Variants in MGAM2 observed in about 807,000 individuals in gnomAD.
The protein encoded by MGAM2 is maltase-glucoamylase 2 (putative).
In MGAM2, 98 loss-of-function variants were observed where a neutral mutation model predicts 96.1. The ratio of observed to expected loss-of-function variants is 1.02; its 90% CI spans 0.87 to 1.21. The LOEUF (loss-of-function observed/expected upper bound fraction) is 1.21, where lower values mean the gene tolerates loss of function less well. MGAM2 is among the 50% of genes most tolerant of loss of function. The probability of loss-of-function intolerance (pLI) is 0.00; values close to 1 mark genes in which losing one functional copy is unlikely to be tolerated. For synonymous variants in MGAM2, 749 were observed against 414.8 expected (o/e 1.81, Z -9.79); for missense variants, 2,055 against 1,182.4 (o/e 1.74, Z -10.82).
intron 45 of MGAM2, among the ~76,000 whole-genome samples, chr7:142,206,964 C>T (rs1195771405): frequency 1.3e-5 from 2 of 152,006 alleles, no homozygotes; most frequent in African/African-American, 4.8e-5. Flanking sequence ...TAGTGTTTGC[C>T]CAGGTTGCAT....
chr7:142,145,081 G>A (rs568764071), intron 14 of MGAM2, 136 bp downstream of exon 14: 6 of 589,206 alleles, frequency 1.0e-5, no homozygotes, highest in East Asian at 3.0e-5. Context: ...CTCCTCTGCC[G>A]AAGTCTCTGC....
chr7:142,123,623 C>T (rs556214118), intron 3 of MGAM2, among the ~76,000 whole-genome samples: 4 of 152,112 alleles, frequency 2.6e-5, no homozygotes, highest in African/African-American at 9.6e-5. Context: ...TTTTTTTCTA[C>T]TGAACTGTTC....
At chr7:142,179,873 G>C (rs1275137567) in intron 32 of MGAM2, among the ~76,000 whole-genome samples, 1 of 151,924 alleles carries the variant, frequency 6.6e-6, no homozygotes. Context: ...TGTTGGCTTT[G>C]TATAATCAGT....
At chr7:142,155,155 G>A (rs944616558) in intron 17 of MGAM2, among the ~76,000 whole-genome samples, 1 of 152,146 alleles carries the variant, frequency 6.6e-6, no homozygotes, top group African/African-American at 2.4e-5. Context: ...GAATTTGTTG[G>A]TATTTTATTT....
intron 46 of MGAM2, among the ~76,000 whole-genome samples, chr7:142,217,414 T>C (rs755978123): frequency 6.6e-6 from 1 of 152,238 alleles, no homozygotes; most frequent in Non-Finnish European, 1.5e-5. Flanking sequence ...TTCCAGAGCC[T>C]CAGTTTCCTT....
intron 2 of MGAM2, among the ~76,000 whole-genome samples, chr7:142,118,442 T>G (rs1794447904): frequency 6.6e-6 from 1 of 152,156 alleles, no homozygotes; most frequent in African/African-American, 2.4e-5. Context: ...GGGGGCTTTG[T>G]TTTGAATCAA....
chr7:142,164,744 CA>C (rs1795982751), intron 23 of MGAM2, 111 bp from the exon 24 acceptor site: 1 of 540,534 alleles, frequency 1.9e-6, no homozygotes, highest in African/African-American at 1.9e-5. Context: ...TTTGAAACTG[CA>C]GAGAAAAGGA....
At chr7:142,200,743 A>T (rs1797195986) in intron 45 of MGAM2, among the ~76,000 whole-genome samples, 1 of 152,164 alleles carries the variant, frequency 6.6e-6, no homozygotes, top group Non-Finnish European at 1.5e-5. Context: ...CATTATAAAG[A>T]TAAGAAATTC....
chr7:142,164,733 A>G, intron 23 of MGAM2, 123 bp from the exon 24 acceptor site: 2 of 542,394 alleles, frequency 3.7e-6, no homozygotes, highest in East Asian at 3.1e-5. Flanking sequence ...ACCTAGCAAC[A>G]TTTGAAACTG....
Position 142,144,985 on chromosome 7 carries a change from A to G in MGAM2, c.1516+40A>G. On this transcript the variant is annotated intron_variant, in intron 14 of 47. Coordinates refer to ENST00000477922, the MANE Select transcript of MGAM2 (RefSeq NM_001293626.2). ...GTTTGCTATGACGTAGGAATAAGCC[A>G]TGTTTAAAACACCCTCAGTAATACT... 3 of 700,978 alleles carry G rather than the reference A, an allele frequency of 4.3e-6. No individual in the cohort carries two copies. The South Asian group carries it at 4.5e-5, about 10-fold the overall frequency. 43.4% of individuals were successfully genotyped at this position (700,978 alleles called of 1,614,324 possible).
intron 15 of MGAM2, among the ~76,000 whole-genome samples, chr7:142,150,908 C>T (rs575090442): frequency 3.9e-5 from 6 of 152,216 alleles, no homozygotes; most frequent in African/African-American, 1.2e-4. Flanking sequence ...TGCTATTTGC[C>T]GTGCACAAGA....
intron 45 of MGAM2, among the ~76,000 whole-genome samples, chr7:142,206,665 T>G (rs1306467208): frequency 6.6e-6 from 1 of 152,236 alleles, no homozygotes; most frequent in Non-Finnish European, 1.5e-5. Context: ...TTACAGTATA[T>G]TTTAGTCTTA....
chr7:142,135,383 T>C (rs1023636312), intron 7 of MGAM2, among the ~76,000 whole-genome samples: 22 of 152,192 alleles, frequency 1.4e-4, no homozygotes, highest in Non-Finnish European at 1.5e-5. Flanking sequence ...AGTCACAAAT[T>C]AGATGTAATG....
chr7:142,189,599 G>A lies in MGAM2; in HGVS notation c.4346+94G>A, dbSNP rs1796806667. The A allele has an allele frequency of 2.7e-5, 14 of 512,384 alleles. No individual in the cohort carries two copies. The East Asian group carries it at 4.3e-4, about 16-fold the overall frequency. 31.7% of individuals were successfully genotyped at this position (512,384 alleles called of 1,614,324 possible). ...CATTGTGCATGTATCTACGTGATCC[G>A]AGTTAAATGGGTTAAAGTCAAAATT... On this transcript the variant is annotated intron_variant, in intron 37 of 47. Transcript: ENST00000477922.
At chr7:142,132,555 TAC>T (rs1563251696) in intron 6 of MGAM2, among the ~76,000 whole-genome samples, 1 of 133,102 alleles carries the variant, frequency 7.5e-6, no homozygotes, top group African/African-American at 2.9e-5. Context: ...AATTTAATTA[TAC>T]ATTCCATATA....
chr7:142,194,687 C>CGTGTGT (rs201949167), intron 37 of MGAM2, among the ~76,000 whole-genome samples: 1,303 of 118,204 alleles, frequency 0.011, 47 homozygotes, highest in Admixed American at 0.074. Flanking sequence ...TTTAATAGAA[C>CGTGTGT]ATGTGTGTAT....
intron 36 of MGAM2, among the ~76,000 whole-genome samples, chr7:142,188,380 G>T (rs1796768183): frequency 6.6e-6 from 1 of 152,022 alleles, no homozygotes; most frequent in South Asian, 2.1e-4. Context: ...TGAGGTGGGA[G>T]GATTGTTTAA....
intron 23 of MGAM2, among the ~76,000 whole-genome samples, chr7:142,162,821 C>T (rs907272265): frequency 1.3e-5 from 2 of 151,746 alleles, no homozygotes; most frequent in South Asian, 4.2e-4. Flanking sequence ...ATGGTAACAT[C>T]TTATAAACCT....
intron 37 of MGAM2, among the ~76,000 whole-genome samples, chr7:142,192,141 G>T (rs1162086211): frequency 6.6e-6 from 1 of 152,016 alleles, no homozygotes; most frequent in Admixed American, 6.6e-5. Context: ...CATACTATTT[G>T]ATTTTGGGCT....
Sources: allele counts gnomAD v4.1 joint callset (sites outside exome capture counted in the v4.1 genomes callset), GRCh38; gene constraint gnomAD v4.1.1; transcripts MANE v1.5; gene names NCBI Gene and HGNC (gene_info 2026-07-23, HGNC 2026-07-21).